DIAPH2: variants seen among roughly 807,000 people sequenced by gnomAD.
The protein encoded by DIAPH2 is diaphanous related formin 2.
In DIAPH2, 35 loss-of-function variants were observed where a neutral mutation model predicts 92.7. The observed-to-expected ratio is 0.38, with a 90% confidence interval of 0.29 to 0.50. DIAPH2 has a LOEUF of 0.50. Among genes scored for constraint, DIAPH2 ranks in the 20% least tolerant of loss-of-function variants. The pLI, the probability that DIAPH2 is intolerant of heterozygous loss-of-function variation, is 0.94. For missense variants in DIAPH2, 701 were observed against 819.5 expected (o/e 0.86, Z 1.77); for synonymous variants, 301 against 280.4 (o/e 1.07, Z -0.73).
intron 23 of DIAPH2, among the ~76,000 whole-genome samples, chrX:97,301,427 G>C (rs183613805): frequency 1.8e-5 from 2 of 111,125 alleles, no homozygotes; most frequent in Non-Finnish European, 3.8e-5. Flanking sequence ...CAAATAAAGC[G>C]AAGTATTCAA....
At chrX:97,239,251 T>C (rs771051193) in intron 22 of DIAPH2, among the ~76,000 whole-genome samples, 1 of 112,132 alleles carries the variant, frequency 8.9e-6, no homozygotes, top group African/African-American at 3.2e-5. Flanking sequence ...GCTTAAAATA[T>C]GTATCTTATA....
intron 1 of DIAPH2, among the ~76,000 whole-genome samples, chrX:96,720,891 T>C (rs1305581200): frequency 2.7e-5 from 3 of 111,641 alleles, no homozygotes; most frequent in South Asian, 3.8e-4. Context: ...TTAAAACATA[T>C]GAGATGTAGA....
At chrX:97,119,399 G>T (rs754837841) in intron 21 of DIAPH2, among the ~76,000 whole-genome samples, 1 of 111,799 alleles carries the variant, frequency 8.9e-6, no homozygotes, top group East Asian at 2.8e-4. Flanking sequence ...GGCCTGTGAT[G>T]TGAACCATCT....
chrX:96,968,839 A>G (rs1489195572), intron 17 of DIAPH2, among the ~76,000 whole-genome samples: 3 of 112,139 alleles, frequency 2.7e-5, no homozygotes, highest in Non-Finnish European at 5.6e-5. Context: ...AGGTTTTCTT[A>G]TAGGATTTTC....
intron 26 of DIAPH2, among the ~76,000 whole-genome samples, chrX:97,523,716 A>G (rs930085180): frequency 1.8e-5 from 2 of 111,153 alleles, no homozygotes; most frequent in African/African-American, 6.5e-5. Context: ...TAAAAATAGT[A>G]CTTGAAATAG....
intron 26 of DIAPH2, among the ~76,000 whole-genome samples, chrX:97,505,759 G>C (rs2070827755): frequency 9.1e-6 from 1 of 109,843 alleles, no homozygotes; most frequent in Non-Finnish European, 1.9e-5. Flanking sequence ...ATGAACAGCA[G>C]TTCAAAGCCA....
intron 16 of DIAPH2, among the ~76,000 whole-genome samples, chrX:96,961,349 A>G (rs1602666197): frequency 9.5e-6 from 1 of 105,534 alleles, no homozygotes; most frequent in African/African-American, 3.4e-5. Flanking sequence ...TTTCTGTGCT[A>G]TCAGTTGTAA....
intron 4 of DIAPH2, among the ~76,000 whole-genome samples, chrX:96,856,437 G>T (rs2065039792): frequency 1.0e-5 from 1 of 100,048 alleles, no homozygotes; most frequent in African/African-American, 3.5e-5. Context: ...TAGAATTCAA[G>T]GTTTTTTTTT....
Position 96,735,801 on chromosome X carries a change from C to T in DIAPH2, c.165+11C>T. On this transcript the variant is annotated intron_variant, in intron 2 of 26. Transcript: ENST00000324765. ...TTGGCAGATGATGTGGTAAGGTGGT[C>T]TTAGCATGTTATTACATTACTTATG... 7 of 1,016,991 alleles carry T rather than the reference C, an allele frequency of 6.9e-6. No homozygotes were observed. The highest frequency in any genetic ancestry group is 9.4e-6 in the Non-Finnish European group (7 of 745,160). 83.8% of individuals were successfully genotyped at this position (1,016,991 alleles called of 1,213,427 possible).
At chrX:97,303,047 A>G (rs992689464) in intron 23 of DIAPH2, among the ~76,000 whole-genome samples, 2 of 112,577 alleles carry the variant, frequency 1.8e-5, no homozygotes, top group African/African-American at 6.5e-5. Context: ...TTGCTTAATT[A>G]AGATCCCAAT....
At chrX:96,754,608 G>A (rs916486270) in intron 3 of DIAPH2, among the ~76,000 whole-genome samples, 15 of 110,962 alleles carry the variant, frequency 1.4e-4, no homozygotes, top group Admixed American at 1.9e-4. Flanking sequence ...GTCTGAGGAC[G>A]TAGGGAGTAC....
intron 22 of DIAPH2, among the ~76,000 whole-genome samples, chrX:97,179,269 C>T (rs370103435): frequency 1.5e-4 from 16 of 103,708 alleles, no homozygotes; most frequent in South Asian, 1.4e-3. Context: ...CTTTAAGTTC[C>T]GGGATATATG....
intron 17 of DIAPH2, among the ~76,000 whole-genome samples, chrX:97,012,866 A>G (rs978654026): frequency 8.9e-6 from 1 of 112,414 alleles, no homozygotes; most frequent in Non-Finnish European, 1.9e-5. Flanking sequence ...TTATTAAAGA[A>G]TGTTATAGCT....
intron 23 of DIAPH2, among the ~76,000 whole-genome samples, chrX:97,250,695 G>T (rs1407382422): frequency 8.9e-6 from 1 of 111,738 alleles, no homozygotes; most frequent in Non-Finnish European, 1.9e-5. Flanking sequence ...GTAAATATGT[G>T]TTGAATCACA....
intron 22 of DIAPH2, among the ~76,000 whole-genome samples, chrX:97,239,498 A>G (rs2068074465): frequency 9.0e-6 from 1 of 111,690 alleles, no homozygotes; most frequent in Admixed American, 9.5e-5. Context: ...ATAATAAAGA[A>G]CCCGATAGCT....
chrX:97,098,491 A>T (rs1174906930), intron 19 of DIAPH2, among the ~76,000 whole-genome samples: 1 of 112,728 alleles, frequency 8.9e-6, no homozygotes, highest in Non-Finnish European at 1.9e-5. Context: ...TACTAAGTGA[A>T]ATATTTACAC....
At chrX:96,885,581 A>C (rs1024360260) in intron 5 of DIAPH2, 3 of 112,592 alleles carry the variant, frequency 2.7e-5, no homozygotes, top group Admixed American at 1.9e-4. Context: ...TGATTAATTC[A>C]AATGAGCTGA....
chrX:97,022,490 A>C (rs2066304846), intron 17 of DIAPH2, among the ~76,000 whole-genome samples: 1 of 112,194 alleles, frequency 8.9e-6, no homozygotes, highest in African/African-American at 3.2e-5. Context: ...CTTTTTATTT[A>C]CAATGTAAGT....
chrX:96,931,382 A>T (rs771141874), intron 10 of DIAPH2, among the ~76,000 whole-genome samples: 1 of 111,904 alleles, frequency 8.9e-6, no homozygotes, highest in African/African-American at 3.2e-5. Context: ...TTTTGGAATG[A>T]TTTTGTATGC....
Sources: gnomAD v4.1 joint callset for allele counts (sites outside exome capture counted in the v4.1 genomes callset) on GRCh38, gnomAD v4.1.1 for gene constraint, MANE v1.5 for transcripts, NCBI Gene and HGNC (gene_info 2026-07-23, HGNC 2026-07-21) for gene names.